Variants in TMEM120B observed in about 807,000 individuals in gnomAD.
TMEM120B encodes transmembrane protein 120B.
In TMEM120B, 31 loss-of-function variants were observed where a neutral mutation model predicts 55.5. That is an observed-to-expected ratio of 0.56 (90% CI 0.42 to 0.75). The LOEUF (loss-of-function observed/expected upper bound fraction) is 0.75. Ranked by LOEUF, TMEM120B falls within the 30% of genes least tolerant of loss-of-function variation. The pLI, the probability that TMEM120B is intolerant of heterozygous loss-of-function variation, is 0.00. For synonymous variants in TMEM120B, 203 were observed against 176.3 expected, an observed-to-expected ratio of 1.15 and a Z score of -1.20; for missense variants, 399 against 425.5, an observed-to-expected ratio of 0.94 and a Z score of 0.55.
At chr12:121,758,341 CA>C (rs1873545387) in intron 5 of TMEM120B, 2 of 985,386 alleles carry the variant, frequency 2.0e-6, no homozygotes, top group Non-Finnish European at 2.4e-6. Context: ...CCAGGTACAG[CA>C]TGCTCCACAG....
At chr12:121,732,912 G>T (rs1416908238) in intron 1 of TMEM120B, among the ~76,000 whole-genome samples, 1 of 151,488 alleles carries the variant, frequency 6.6e-6, no homozygotes, top group Non-Finnish European at 1.5e-5. Flanking sequence ...CTGGGAGGCG[G>T]AGGTTGCAGT....
At chr12:121,715,044 A>C (rs1234747342) in intron 1 of TMEM120B, among the ~76,000 whole-genome samples, 1 of 152,018 alleles carries the variant, frequency 6.6e-6, no homozygotes, top group Non-Finnish European at 1.5e-5. Flanking sequence ...GAGTCTTAAC[A>C]CTTCAGAGTG....
In TMEM120B at chr12:121,776,026, G is replaced by A. The variant is rs1487708233; in HGVS notation, c.*304G>A. The A allele has an allele frequency of 1.7e-6, 1 of 589,124 alleles. No individual in the cohort carries two copies. The highest frequency in any genetic ancestry group is 3.0e-6 in the Non-Finnish European group (1 of 330,926). 36.5% of individuals were successfully genotyped at this position (589,124 alleles called of 1,614,324 possible). A position where few individuals can be genotyped will look rare whatever the true frequency, so the allele number is the denominator to read the frequency against. On this transcript the variant is annotated 3_prime_UTR_variant, in exon 12 of 12. Transcript: ENST00000449592. Reference sequence around the variant, plus strand: ...GGGATGGGGCCTGAAGCCTCAGGGAGCCCCTCTGTTCCCACTCCTGTCATT... The same window carrying A: ...GGGATGGGGCCTGAAGCCTCAGGGAACCCCTCTGTTCCCACTCCTGTCATT...
At chr12:121,722,100 CT>C (rs35866737) in intron 1 of TMEM120B, among the ~76,000 whole-genome samples, 48,800 of 118,644 alleles carry the variant, frequency 0.41, 9,655 homozygotes, top group Middle Eastern at 0.61. Flanking sequence ...CACACCTGGC[CT>C]TTTTTTTTTT....
chr12:121,752,063 GCCATGC>G, intron 4 of TMEM120B, 59 bp from the exon 5 acceptor site: 1 of 1,371,258 alleles, frequency 7.3e-7, no homozygotes. Context: ...GGGGCTGAGG[GCCATGC>G]CCAGGTGCTG....
chr12:121,764,380 C>A (rs915542567), intron 6 of TMEM120B, among the ~76,000 whole-genome samples: 1 of 152,060 alleles, frequency 6.6e-6, no homozygotes, highest in Non-Finnish European at 1.5e-5. Context: ...ATTAGCCGGG[C>A]GTGGTGGTGC....
chr12:121,771,040 G>A, intron 7 of TMEM120B, 68 bp downstream of exon 7: 2 of 1,545,578 alleles, frequency 1.3e-6, no homozygotes, highest in East Asian at 2.3e-5. Flanking sequence ...GGAATGGGGA[G>A]GGGGCTGATC....
At chr12:121,762,692 C>T (rs918024108) in intron 6 of TMEM120B, among the ~76,000 whole-genome samples, 9 of 152,122 alleles carry the variant, frequency 5.9e-5, no homozygotes, top group African/African-American at 1.2e-4. Context: ...GTTTTGGTGA[C>T]AAGAGTGGGT....
At chr12:121,736,636 G>A (rs1307234474) in intron 1 of TMEM120B, among the ~76,000 whole-genome samples, 2 of 152,064 alleles carry the variant, frequency 1.3e-5, no homozygotes, top group Non-Finnish European at 2.9e-5. Context: ...TGCAACCTCC[G>A]CCTCCCGGGT....
rs116656689 is a variant in TMEM120B, at chr12:121,767,562, C to A, written c.552-3345C>A. 1.3e-3 allele frequency among the ~76,000 whole-genome samples: 203 copies of A among 152,300 alleles called. 1 individual carries two copies. The highest frequency in any genetic ancestry group is 4.6e-3 in the African/African-American group (192 of 41,564). ...TGATAAAAAGGTTTTAAAACAGATT[C>A]TGGTGACAGTTGCACAACTCTGTGA... On this transcript the variant is annotated intron_variant, in intron 6 of 11. Coordinates refer to ENST00000449592, the MANE Select transcript of TMEM120B (RefSeq NM_001080825.2).
In TMEM120B at chr12:121,778,634, C is replaced by T. The variant is rs1183987900; in HGVS notation, c.*2912C>T. 1 of 151,908 alleles carries T rather than the reference C, an allele frequency of 6.6e-6. No individual in the cohort carries two copies. Among genetic ancestry groups the T allele is most frequent in the East Asian group, 1.9e-4 (1 of 5,134 alleles). 9.4% of individuals were successfully genotyped at this position (151,908 alleles called of 1,614,324 possible). On this transcript the variant is annotated 3_prime_UTR_variant, in exon 12 of 12. Coordinates refer to ENST00000449592, the MANE Select transcript of TMEM120B (RefSeq NM_001080825.2). ...AAAGGAGGCCAGGATGTCTCGCCTC[C>T]TGAACTCCACAGGCTGGTAGAAGCG... is the stretch of plus-strand genomic sequence containing the variant.
intron 1 of TMEM120B, among the ~76,000 whole-genome samples, chr12:121,737,248 G>C (rs968820289): frequency 6.6e-6 from 1 of 152,096 alleles, no homozygotes; most frequent in African/African-American, 2.4e-5. Flanking sequence ...GCTTACGTCT[G>C]TAAACCCAGA....
rs574894575 is a variant in TMEM120B at position 121,736,366 on chromosome 12, T to C, written c.70-7263T>C. Among the ~76,000 whole-genome samples, 580 of 150,792 alleles carry C rather than the reference T, an allele frequency of 3.8e-3. 9 individuals carry two copies. The highest frequency in any genetic ancestry group is 0.015 in the Admixed American group (228 of 15,118). On this transcript the variant is annotated intron_variant, in intron 1 of 11. Transcript: ENST00000449592. Reference sequence around the variant, plus strand: ...TGTATTTTTAGTAGAGACGGGGTTTTACCATGTTAGCCAGGATTGTCTCGA... The same window carrying C: ...TGTATTTTTAGTAGAGACGGGGTTTCACCATGTTAGCCAGGATTGTCTCGA...
At position 121,761,694 on chromosome 12, in the gene TMEM120B, C is replaced by T; in HGVS notation, c.507C>T (p.Cys169=). 1.2e-6 allele frequency: 2 copies of T among 1,614,038 alleles called. No homozygotes were observed. The highest frequency in any genetic ancestry group is 1.3e-5 in the African/African-American group (1 of 75,054). Reference sequence around the variant, plus strand: ...ACTTCCTGCTGGTGTGGTATTACTGCACCCTGACCATTCGGGAGAGCATTC... The same window carrying T: ...ACTTCCTGCTGGTGTGGTATTACTGTACCCTGACCATTCGGGAGAGCATTC... ...VFNFLLVWYY[C]TLTIRESILI... The change falls in exon 6 of 12, where the codon TGC becomes TGT. Residue 169 remains cysteine, a synonymous_variant. Transcript: ENST00000449592.
At chr12:121,726,534 G>A (rs1894895107) in intron 1 of TMEM120B, among the ~76,000 whole-genome samples, 1 of 149,864 alleles carries the variant, frequency 6.7e-6, no homozygotes, top group African/African-American at 2.5e-5. Context: ...AGCCGAGATC[G>A]CGCTACTGCA....
At chr12:121,769,715 C>CGTGTGTGTGTGTGTGT (rs63639861) in intron 6 of TMEM120B, among the ~76,000 whole-genome samples, 111 of 148,418 alleles carry the variant, frequency 7.5e-4, no homozygotes, top group African/African-American at 2.2e-3. Context: ...AAAGAGAAAA[C>CGTGTGTGTGTGTGTGT]GTGTGTGTGT....
At chr12:121,757,707 G>A (rs1592941700) in intron 5 of TMEM120B, among the ~76,000 whole-genome samples, 1 of 152,110 alleles carries the variant, frequency 6.6e-6, no homozygotes, top group Non-Finnish European at 1.5e-5. Context: ...TAGTAGAGAC[G>A]GGGTTTCACC....
intron 2 of TMEM120B, 67 bp from the exon 3 acceptor site, chr12:121,748,259 G>A (rs1465546843): frequency 1.7e-5 from 21 of 1,240,690 alleles, no homozygotes; most frequent in Admixed American, 7.3e-5. Flanking sequence ...GCTGGGGCCC[G>A]GGGAGTCCAT....
chr12:121,729,757 C>T (rs1894960783), intron 1 of TMEM120B, among the ~76,000 whole-genome samples: 1 of 152,094 alleles, frequency 6.6e-6, no homozygotes, highest in Non-Finnish European at 1.5e-5. Flanking sequence ...CATGATTGTG[C>T]CACTGCACCG....
Sources: gnomAD v4.1 joint callset for allele counts (sites outside exome capture counted in the v4.1 genomes callset) on GRCh38, gnomAD v4.1.1 for gene constraint, MANE v1.5 for transcripts, NCBI Gene and HGNC (gene_info 2026-07-23, HGNC 2026-07-21) for gene names.